KCNK2: variants seen among roughly 807,000 people sequenced by gnomAD.
KCNK2 encodes the protein potassium channel subfamily K member 2.
A neutral mutation model predicts 40.5 loss-of-function variants in KCNK2; 21 were observed. The ratio of observed to expected loss-of-function variants is 0.52; its 90% CI spans 0.37 to 0.75. The LOEUF (loss-of-function observed/expected upper bound fraction) is 0.75. Among genes scored for constraint, KCNK2 ranks in the 30% least tolerant of loss-of-function variants. KCNK2 has a pLI of 0.00. For missense variants in KCNK2, 399 were observed against 531.6 expected, an observed-to-expected ratio of 0.75 and a Z score of 2.45; for synonymous variants, 191 against 202.2, an observed-to-expected ratio of 0.94 and a Z score of 0.47.
At chr1:215,230,478 TACACACACAC>T (rs1160868753) in intron 6 of KCNK2, among the ~76,000 whole-genome samples, 2 of 85,080 alleles carry the variant, frequency 2.4e-5, no homozygotes, top group East Asian at 2.4e-4. Flanking sequence ...GATATATATA[TACACACACAC>T]ACACACACAC....
intron 1 of KCNK2, among the ~76,000 whole-genome samples, chr1:215,030,356 T>C (rs929741396): frequency 2.0e-5 from 3 of 152,154 alleles, no homozygotes; most frequent in African/African-American, 7.2e-5. Context: ...TGGCTTGTCT[T>C]TCCCTTTTCT....
At chr1:215,141,224 A>C (rs1463792680) in intron 3 of KCNK2, among the ~76,000 whole-genome samples, 3 of 152,140 alleles carry the variant, frequency 2.0e-5, no homozygotes, top group Admixed American at 2.0e-4. Flanking sequence ...AAGGAGTACA[A>C]TCTAAAATAA....
chr1:215,207,126 T>C (rs948703914), intron 6 of KCNK2, among the ~76,000 whole-genome samples: 5 of 152,174 alleles, frequency 3.3e-5, no homozygotes, highest in East Asian at 3.9e-4. Flanking sequence ...CAAATGGAGA[T>C]AGCTTTTTAA....
chr1:215,155,604 C>T (rs1329892306), intron 3 of KCNK2, among the ~76,000 whole-genome samples: 1 of 152,180 alleles, frequency 6.6e-6, no homozygotes, highest in Non-Finnish European at 1.5e-5. Context: ...ACTGCAACCT[C>T]TGCCTCCTGG....
At chr1:215,006,263 C>T (rs1656124311) in intron 1 of KCNK2, among the ~76,000 whole-genome samples, 1 of 152,134 alleles carries the variant, frequency 6.6e-6, no homozygotes, top group Admixed American at 6.6e-5. Flanking sequence ...CTATAAATTC[C>T]ATTGCATTTA....
At chr1:215,034,124 T>C (rs1023248228) in intron 1 of KCNK2, among the ~76,000 whole-genome samples, 30 of 152,200 alleles carry the variant, frequency 2.0e-4, no homozygotes, top group African/African-American at 7.0e-4. Flanking sequence ...AATTCTTTGA[T>C]GGATCTAAAA....
chr1:215,131,043 G>T (rs1370962239), intron 3 of KCNK2, among the ~76,000 whole-genome samples: 2 of 150,884 alleles, frequency 1.3e-5, no homozygotes, highest in African/African-American at 2.4e-5. Flanking sequence ...TGTATTTTTA[G>T]TAGAGACGGG....
intron 1 of KCNK2, among the ~76,000 whole-genome samples, chr1:215,074,691 G>C (rs149942139): frequency 2.8e-3 from 433 of 152,250 alleles, no homozygotes; most frequent in Non-Finnish European, 5.3e-3. Context: ...TGATATAATT[G>C]CTTTGCCTAG....
chr1:215,144,083 A>G (rs778555285), intron 3 of KCNK2, among the ~76,000 whole-genome samples: 3 of 152,188 alleles, frequency 2.0e-5, no homozygotes, highest in Non-Finnish European at 4.4e-5. Context: ...CTTGTATGAT[A>G]TTTAGGCTAA....
intron 3 of KCNK2, among the ~76,000 whole-genome samples, chr1:215,143,772 T>C (rs1362210393): frequency 6.6e-6 from 1 of 152,178 alleles, no homozygotes; most frequent in Admixed American, 6.5e-5. Context: ...AGAGTATCTA[T>C]GTTGTACCAC....
chr1:215,193,905 T>G (rs6700379), intron 5 of KCNK2, among the ~76,000 whole-genome samples: 15,877 of 152,196 alleles, frequency 0.1, 2,257 homozygotes, highest in African/African-American at 0.32. Context: ...CACTGTGCTA[T>G]TCCATGTTTT....
chr1:215,187,214 T>C (rs916243023), intron 5 of KCNK2, among the ~76,000 whole-genome samples: 1 of 152,156 alleles, frequency 6.6e-6, no homozygotes, highest in Non-Finnish European at 1.5e-5. Context: ...AAGCGAACTT[T>C]CTGCCTTGGC....
At chr1:215,118,809 T>G (rs879619296) in intron 2 of KCNK2, among the ~76,000 whole-genome samples, 18 of 152,108 alleles carry the variant, frequency 1.2e-4, no homozygotes, top group Admixed American at 9.8e-4. Flanking sequence ...ACTAATTAGG[T>G]GTTAACCCCT....
Position 215,131,506 on chromosome 1 carries a change from A to G in KCNK2, c.475+6756A>G, listed in dbSNP as rs1470490406. The stretch of plus-strand genomic sequence containing the variant: ...ATGTATGCAAATTATTAATATATAA[A>G]ATTATATTAATTATAATTATATATT... On this transcript the variant is annotated intron_variant, in intron 3 of 6. Transcript: ENST00000444842. Among the ~76,000 whole-genome samples, 4 of 147,386 alleles carry G rather than the reference A, an allele frequency of 2.7e-5. No individual in the cohort carries two copies. In the East Asian group the frequency reaches 7.8e-4, roughly 29 times the overall value.
intron 1 of KCNK2, among the ~76,000 whole-genome samples, chr1:215,007,029 A>ATATATATGTGTGTG (rs1553254670): frequency 4.8e-4 from 33 of 68,440 alleles, no homozygotes; most frequent in Non-Finnish European, 6.8e-4. Context: ...ATATATATAT[A>ATATATATGTGTGTG]TATATATATG....
intron 1 of KCNK2, among the ~76,000 whole-genome samples, chr1:215,013,994 T>C (rs891788248): frequency 2.0e-5 from 3 of 152,082 alleles, no homozygotes; most frequent in Non-Finnish European, 2.9e-5. Context: ...TTTTTCCTTA[T>C]ATTGGTGGGA....
At chr1:215,023,174 G>T (rs1384994792) in intron 1 of KCNK2, among the ~76,000 whole-genome samples, 1 of 152,004 alleles carries the variant, frequency 6.6e-6, no homozygotes, top group African/African-American at 2.4e-5. Context: ...ATCCCTTCTT[G>T]CATTTTAGGA....
intron 2 of KCNK2, among the ~76,000 whole-genome samples, chr1:215,106,967 A>C (rs1057167929): frequency 6.6e-6 from 1 of 151,624 alleles, no homozygotes; most frequent in African/African-American, 2.4e-5. Context: ...TACCAGTACC[A>C]TGCTGTTTTG....
At chr1:215,020,396 C>T (rs4339836) in intron 1 of KCNK2, among the ~76,000 whole-genome samples, 66,834 of 151,994 alleles carry the variant, frequency 0.44, 16,381 homozygotes, top group Non-Finnish European at 0.55. Flanking sequence ...AGAGGAATCC[C>T]CAAAATACGT....
Sources: allele counts gnomAD v4.1 joint callset (sites outside exome capture counted in the v4.1 genomes callset), GRCh38; gene constraint gnomAD v4.1.1; transcripts MANE v1.5; gene names NCBI Gene and HGNC (gene_info 2026-07-23, HGNC 2026-07-21).